EPB41L2: variants seen among roughly 807,000 people sequenced by gnomAD.
EPB41L2 encodes band 4.1-like protein 2.
In EPB41L2, 43 loss-of-function variants were observed where a neutral mutation model predicts 113.0. The ratio of observed to expected loss-of-function variants is 0.38; its 90% CI spans 0.30 to 0.49. The LOEUF (loss-of-function observed/expected upper bound fraction) is 0.49. Ranked by LOEUF, EPB41L2 falls within the 20% of genes least tolerant of loss-of-function variation. The pLI is 0.95. For missense variants in EPB41L2, 1,147 were observed against 1,223.4 expected, an observed-to-expected ratio of 0.94 and a Z score of 0.93; for synonymous variants, 442 against 436.7, an observed-to-expected ratio of 1.01 and a Z score of -0.15.
chr6:130,869,911 C>T lies in EPB41L2; in HGVS notation c.2259G>A (p.Val753=), dbSNP rs777538999. Residue 753 remains valine (V), a synonymous_variant, in exon 15 of 20, where the codon GTG becomes GTA. Transcript: ENST00000337057. ...CTCGGTGGTGGGGACGGTACTCTCC[C>T]ACGTCTTCCTCCTCACTCTCACTGC... The part of the protein sequence containing the change: ...SSSSESEEED[V]GEYRPHHRVT... 4.3e-6 allele frequency: 7 copies of T among 1,612,572 alleles called. No homozygotes were observed. The highest frequency in any genetic ancestry group is 5.1e-6 in the Non-Finnish European group (6 of 1,180,008).
intron 4 of EPB41L2, among the ~76,000 whole-genome samples, chr6:130,918,310 G>A (rs991734774): frequency 1.3e-5 from 2 of 152,090 alleles, no homozygotes; most frequent in African/African-American, 4.8e-5. Context: ...TTTCTAACAA[G>A]CTCCTTTTTC....
chr6:131,023,760 TATAG>T (rs1562754159), intron 1 of EPB41L2, among the ~76,000 whole-genome samples: 1 of 78,630 alleles, frequency 1.3e-5, no homozygotes, highest in Admixed American at 1.2e-4. Flanking sequence ...TATATAGATA[TATAG>T]ATATATAGAT....
At chr6:130,954,030 CCTTTTCTTT>C (rs1435650224) in intron 3 of EPB41L2, among the ~76,000 whole-genome samples, 9 of 102,224 alleles carry the variant, frequency 8.8e-5, no homozygotes, top group African/African-American at 3.0e-4. Context: ...TTTTGCTAGT[CCTTTTCTTT>C]CTTTTTTTTT....
At chr6:130,880,360 C>A in intron 12 of EPB41L2, 154 bp from the exon 13 acceptor site, 1 of 626,716 alleles carries the variant, frequency 1.6e-6, no homozygotes, top group Non-Finnish European at 2.8e-6. Flanking sequence ...ACAAACACAA[C>A]TCACAAATAA....
intron 5 of EPB41L2, 42 bp downstream of exon 5, chr6:130,908,779 C>A: frequency 6.8e-7 from 1 of 1,475,166 alleles, no homozygotes; most frequent in South Asian, 1.2e-5. Flanking sequence ...AAATAGATAT[C>A]AAGACACCTT....
chr6:130,896,559 A>G (rs1439717425), intron 8 of EPB41L2, among the ~76,000 whole-genome samples: 1 of 152,272 alleles, frequency 6.6e-6, no homozygotes, highest in Non-Finnish European at 1.5e-5. Flanking sequence ...ATCTTTGGAC[A>G]GGACAAGGAA....
chr6:130,906,580 C>T (rs1797792243), intron 5 of EPB41L2, among the ~76,000 whole-genome samples: 1 of 152,108 alleles, frequency 6.6e-6, no homozygotes, highest in South Asian at 2.1e-4. Flanking sequence ...TGTTTACATA[C>T]TAGTCATACG....
At chr6:130,886,428 C>T (rs1791002315) in intron 11 of EPB41L2, among the ~76,000 whole-genome samples, 2 of 152,128 alleles carry the variant, frequency 1.3e-5, no homozygotes, top group African/African-American at 4.8e-5. Context: ...CCCCTCAACA[C>T]CAGCAAGTCC....
chr6:130,964,354 A>G (rs1774433731), intron 1 of EPB41L2, among the ~76,000 whole-genome samples: 2 of 152,144 alleles, frequency 1.3e-5, no homozygotes, highest in Admixed American at 1.3e-4. Flanking sequence ...GAAGTTACCT[A>G]TGTCTGAATA....
chr6:130,909,335 T>TC (rs1022320749), intron 4 of EPB41L2, among the ~76,000 whole-genome samples: 3 of 150,654 alleles, frequency 2.0e-5, no homozygotes, highest in African/African-American at 7.3e-5. Context: ...AACGAACTAC[T>TC]CCTCCTCCTT....
intron 1 of EPB41L2, among the ~76,000 whole-genome samples, chr6:130,993,588 A>G (rs1264534215): frequency 2.6e-5 from 4 of 152,202 alleles, no homozygotes; most frequent in Non-Finnish European, 5.9e-5. Context: ...TGTAACTGCT[A>G]GGTAGTACCC....
chr6:130,890,747 T>C (rs1044531474), intron 10 of EPB41L2, among the ~76,000 whole-genome samples: 4 of 152,198 alleles, frequency 2.6e-5, no homozygotes, highest in Admixed American at 6.5e-5. Flanking sequence ...GGTTATTTAT[T>C]TGTATTAGCT....
chr6:131,016,566 A>T (rs1215487123), intron 1 of EPB41L2, among the ~76,000 whole-genome samples: 1 of 151,976 alleles, frequency 6.6e-6, no homozygotes, highest in Non-Finnish European at 1.5e-5. Flanking sequence ...TGAATGGGAA[A>T]AACTCACAGC....
chr6:130,960,513 A>AC (rs1358159256), intron 1 of EPB41L2, among the ~76,000 whole-genome samples: 1 of 152,142 alleles, frequency 6.6e-6, no homozygotes, highest in Non-Finnish European at 1.5e-5. Context: ...ATCCTCAATC[A>AC]CCACTGTATT....
intron 12 of EPB41L2, chr6:130,881,934 T>C (rs1012798033): frequency 6.6e-6 from 1 of 152,078 alleles, no homozygotes; most frequent in Non-Finnish European, 1.5e-5. Context: ...AATACTACAA[T>C]AATAGGGAGA....
intron 7 of EPB41L2, 81 bp downstream of exon 7, chr6:130,900,881 G>T: frequency 1.3e-6 from 2 of 1,494,708 alleles, no homozygotes; most frequent in African/African-American, 1.4e-5. Context: ...TGTAAATCAT[G>T]CTCAAATGTC....
intron 18 of EPB41L2, among the ~76,000 whole-genome samples, chr6:130,858,524 T>C (rs1780988073): frequency 6.6e-6 from 1 of 152,262 alleles, no homozygotes. Flanking sequence ...CACTGTGAGA[T>C]TTGGAGAAAA....
At chr6:130,869,292 T>C (rs1313896617) in intron 15 of EPB41L2, among the ~76,000 whole-genome samples, 1 of 151,566 alleles carries the variant, frequency 6.6e-6, no homozygotes, top group East Asian at 1.9e-4. Context: ...CAAAGAAAAA[T>C]TTAAATGTGA....
intron 11 of EPB41L2, among the ~76,000 whole-genome samples, chr6:130,890,022 G>C (rs1053849568): frequency 2.6e-5 from 4 of 151,816 alleles, no homozygotes; most frequent in African/African-American, 9.7e-5. Context: ...TCTGATTTTG[G>C]AGCATTTCAG....
Sources: allele counts gnomAD v4.1 joint callset (sites outside exome capture counted in the v4.1 genomes callset), GRCh38; gene constraint gnomAD v4.1.1; transcripts MANE v1.5; gene names NCBI Gene and HGNC (gene_info 2026-07-23, HGNC 2026-07-21).